MYO18B: variants seen among roughly 807,000 people sequenced by gnomAD.
The protein encoded by MYO18B is myosin XVIIIB.
A neutral mutation model predicts 273.0 loss-of-function variants in MYO18B; 204 were observed. The observed-to-expected ratio is 0.75, with a 90% CI of 0.67 to 0.84. The LOEUF (loss-of-function observed/expected upper bound fraction) is 0.84. Ranked by LOEUF, MYO18B falls within the 40% of genes least tolerant of loss-of-function variation. MYO18B has a pLI of 0.00. For missense variants in MYO18B, 3,212 were observed against 3,287.6 expected (o/e 0.98, Z 0.56); for synonymous variants, 1,330 against 1,305.7 (o/e 1.02, Z -0.40).
intron 37 of MYO18B, 49 bp from the exon 38 acceptor site, chr22:25,952,237 C>G (rs1432847496): frequency 1.3e-6 from 2 of 1,589,426 alleles, no homozygotes; most frequent in East Asian, 4.5e-5. Flanking sequence ...TGTCTCTGTC[C>G]TGGTATCAGG....
chr22:25,832,345 A>G (rs894419905), intron 15 of MYO18B, among the ~76,000 whole-genome samples: 6 of 152,212 alleles, frequency 3.9e-5, no homozygotes, highest in African/African-American at 1.4e-4. Flanking sequence ...AGGCAGAAGC[A>G]ACTCATATAT....
intron 1 of MYO18B, among the ~76,000 whole-genome samples, chr22:25,754,227 T>C (rs1341954674): frequency 6.6e-6 from 1 of 152,118 alleles, no homozygotes; most frequent in Non-Finnish European, 1.5e-5. Context: ...TAGGTGACGA[T>C]GTGAGCCATG....
rs896051504 is a variant in MYO18B at position 26,030,584 on chromosome 22, C to T, written c.*154C>T. 4.6e-6 allele frequency: 1 copy of T among 215,054 alleles called. No individual in the cohort carries two copies. The highest frequency in any genetic ancestry group is 9.2e-6 in the Non-Finnish European group (1 of 108,808). The allele number at this position is 215,054 out of a possible 1,614,324, so 13.3% of individuals were successfully genotyped here. A position where few individuals can be genotyped will look rare whatever the true frequency, so the allele number is the denominator to read the frequency against. ...GATGAGCCCACAGAGGCATATCCTG[C>T]GGGGATGCTGGGCTCCCAGTGTGGT... On this transcript the variant is annotated 3_prime_UTR_variant, in exon 44 of 44. Transcript: ENST00000335473.
rs183085379 is a variant in MYO18B, at chr22:25,815,736, G to A, written c.2522-7769G>A. On this transcript the variant is annotated intron_variant, in intron 12 of 43. Transcript: ENST00000335473. The stretch of plus-strand genomic sequence containing the variant: ...AGGCTCCCTTCCTCTTGTAAATTCC[G>A]CATACATGTTGGCATATTCAAGGTT... 4.5e-4 allele frequency among the ~76,000 whole-genome samples: 68 copies of A among 152,140 alleles called. 1 individual carries two copies. The highest frequency in any genetic ancestry group is 3.0e-3 in the Admixed American group (46 of 15,276).
At chr22:25,893,109 T>C (rs2091705468) in intron 27 of MYO18B, among the ~76,000 whole-genome samples, 1 of 152,246 alleles carries the variant, frequency 6.6e-6, no homozygotes, top group Non-Finnish European at 1.5e-5. Flanking sequence ...ATAGAAAATG[T>C]CTAAAATATA....
chr22:25,834,026 C>T (rs1420917084), intron 16 of MYO18B, among the ~76,000 whole-genome samples: 2 of 152,174 alleles, frequency 1.3e-5, no homozygotes, highest in Admixed American at 6.5e-5. Context: ...CACTGTGCTT[C>T]CTCACCTGTG....
chr22:25,841,118 G>C (rs913536991), intron 17 of MYO18B, among the ~76,000 whole-genome samples: 1 of 152,184 alleles, frequency 6.6e-6, no homozygotes, highest in Non-Finnish European at 1.5e-5. Context: ...ACAAGGGCCA[G>C]CAGGGACTGG....
chr22:25,760,187 A>G (rs1192633152), intron 1 of MYO18B, among the ~76,000 whole-genome samples: 2 of 152,096 alleles, frequency 1.3e-5, no homozygotes, highest in East Asian at 3.9e-4. Flanking sequence ...AGGCTGAAGC[A>G]GGCGGATCAT....
At chr22:25,908,292 C>G in intron 31 of MYO18B, 30 bp from the exon 32 acceptor site, 2 of 1,540,098 alleles carry the variant, frequency 1.3e-6, no homozygotes, top group Non-Finnish European at 1.8e-6. Flanking sequence ...AGTGGGTCAC[C>G]CTCACGTGCT....
chr22:26,041,352 C>CAAA, the MYO18B span, among the ~76,000 whole-genome samples: 31 of 62,164 alleles, frequency 5.0e-4, no homozygotes, highest in African/African-American at 1.2e-3. Context: ...CTGTCTCTAC[C>CAAA]AAAAAAAAAA....
Position 25,947,816 on chromosome 22 carries a change from C to G in MYO18B, c.5736C>G (p.Asp1912Glu). 1 of 1,613,458 alleles carries G rather than the reference C, an allele frequency of 6.2e-7. No homozygotes were observed. Among genetic ancestry groups the G allele is most frequent in the African/African-American group, 1.3e-5 (1 of 75,010 alleles). ...DLNELMQKHKDLIAQSAADIG... is the reference protein window; with the variant it reads ...DLNELMQKHKELIAQSAADIG... ...ATGAGCTGATGCAGAAGCACAAGGA[C>G]CTCATTGCTCAGGTAGTGAATGAGA... Residue 1912 changes from aspartate to glutamate, a missense_variant, in exon 36 of 44, where the codon GAC (aspartate) becomes GAG (glutamate). Physicochemically the swap from Asp to Glu is conservative, Grantham distance 45. Transcript: ENST00000335473.
At chr22:25,977,447 G>C (rs958546444) in intron 39 of MYO18B, among the ~76,000 whole-genome samples, 1 of 152,192 alleles carries the variant, frequency 6.6e-6, no homozygotes, top group Admixed American at 6.5e-5. Context: ...CCAGGGGGTT[G>C]TCACATTGGG....
Position 25,868,306 on chromosome 22 carries a change from A to C in MYO18B, c.3886-14A>C, listed in dbSNP as rs776173272. On this transcript the variant is annotated splice_polypyrimidine_tract_variant and intron_variant, in intron 21 of 43. Coordinates refer to ENST00000335473, the MANE Select transcript of MYO18B (RefSeq NM_032608.7). Reference sequence around the variant, plus strand: ...CTTCTATGCTGTCTAACTTCTCTCTAATTTTTTCCCCAGGCCGTGGAGGAG... The same window carrying C: ...CTTCTATGCTGTCTAACTTCTCTCTCATTTTTTCCCCAGGCCGTGGAGGAG... The C allele has an allele frequency of 1.9e-6, 3 of 1,592,456 alleles. No homozygotes were observed. Among genetic ancestry groups the C allele is most frequent in the Admixed American group, 1.8e-5 (1 of 56,910 alleles).
At chr22:25,909,198 C>T (rs990812935) in intron 32 of MYO18B, among the ~76,000 whole-genome samples, 5 of 152,172 alleles carry the variant, frequency 3.3e-5, no homozygotes, top group Admixed American at 1.3e-4. Context: ...AATGTAGGAT[C>T]TTCAAAGTGG....
chr22:25,915,592 A>G (rs956745139), intron 33 of MYO18B, among the ~76,000 whole-genome samples: 9 of 152,202 alleles, frequency 5.9e-5, no homozygotes, highest in Non-Finnish European at 1.3e-4. Flanking sequence ...AGGTTAAATC[A>G]GTCTTGTATT....
At chr22:25,745,197 C>A (rs887427191) in intron 1 of MYO18B, among the ~76,000 whole-genome samples, 1 of 152,200 alleles carries the variant, frequency 6.6e-6, no homozygotes, top group Non-Finnish European at 1.5e-5. Flanking sequence ...GCAACCTCTG[C>A]CTCCGAGGTT....
At chr22:25,959,213 G>A (rs1304313756) in intron 39 of MYO18B, 1 of 149,444 alleles carries the variant, frequency 6.7e-6, no homozygotes, top group Non-Finnish European at 1.5e-5. Context: ...CATGCCCACT[G>A]TCACCACCAC....
At chr22:26,023,481 C>CTCT (rs1556000361) in intron 42 of MYO18B, among the ~76,000 whole-genome samples, 1 of 150,914 alleles carries the variant, frequency 6.6e-6, no homozygotes, top group Non-Finnish European at 1.5e-5. Context: ...CTCCTCCCTC[C>CTCT]TCCTCCTCCT....
At position 25,769,574 on chromosome 22, in the gene MYO18B, C is replaced by T. The variant is rs909662254; in HGVS notation, c.1512+146C>T. 31 of 728,028 alleles carry T rather than the reference C, an allele frequency of 4.3e-5. No homozygotes were observed. The Admixed American group carries it at 7.5e-4, about 18-fold the overall frequency. The allele number at this position is 728,028 out of a possible 1,614,324, so 45.1% of individuals were successfully genotyped here. On this transcript the variant is annotated intron_variant, in intron 4 of 43. Coordinates refer to ENST00000335473, the MANE Select transcript of MYO18B (RefSeq NM_032608.7). ...GAGAGGGGTGGCTGGAACTGCAAGG[C>T]ACCCAGAGGAGGGGACGAGCACTTC...
Sources: gnomAD v4.1 joint callset for allele counts (sites outside exome capture counted in the v4.1 genomes callset) on GRCh38, gnomAD v4.1.1 for gene constraint, MANE v1.5 for transcripts, NCBI Gene and HGNC (gene_info 2026-07-23, HGNC 2026-07-21) for gene names.